KIF18B: variants seen among roughly 807,000 people sequenced by gnomAD.
The protein encoded by KIF18B is kinesin-like protein KIF18B.
A neutral mutation model predicts 80.9 loss-of-function variants in KIF18B; 49 were observed. That is an observed-to-expected ratio of 0.61 (90% confidence interval 0.48 to 0.77). The LOEUF is 0.77. KIF18B is among the 30% of genes least tolerant of loss of function. The probability of loss-of-function intolerance (pLI) is 0.00; values close to 1 mark genes in which losing one functional copy is unlikely to be tolerated. For synonymous variants in KIF18B, 439 were observed against 463.9 expected, an observed-to-expected ratio of 0.95 and a Z score of 0.69; for missense variants, 994 against 1,127.7, an observed-to-expected ratio of 0.88 and a Z score of 1.70.
At chr17:44,930,850 T>C (rs2052130853) in intron 11 of KIF18B, among the ~76,000 whole-genome samples, 2 of 152,140 alleles carry the variant, frequency 1.3e-5, no homozygotes, top group Non-Finnish European at 2.9e-5. Flanking sequence ...CAGGACCTGA[T>C]AAGCAGGAGA....
rs1294187446 is a variant in KIF18B, at chr17:44,929,044, A to G, written c.1518-20T>C. On this transcript the variant is annotated intron_variant, in intron 11 of 15. Coordinates refer to ENST00000593135, the MANE Select transcript of KIF18B (RefSeq NM_001265577.2). ...GCCAACCTGGAACAGAAGAAAGGGG[A>G]TTCCCAGCCCTGCTCAGACTCAGCC... is the stretch of plus-strand genomic sequence containing the variant. 2.1e-5 allele frequency: 34 copies of G among 1,610,876 alleles called. No individual in the cohort carries two copies. In the Admixed American group the frequency reaches 5.7e-4, roughly 27 times the overall value.
rs2052181382 is a variant in KIF18B at position 44,932,641 on chromosome 17, G to C, written c.1238+32C>G. ...GGCTCCCCATCCTGGCTGAGCTGCA[G>C]GGTGGGGGCGGGAATGGGCAGTGGA... On this transcript the variant is annotated intron_variant, in intron 9 of 15. Coordinates refer to ENST00000593135, the MANE Select transcript of KIF18B (RefSeq NM_001265577.2). 3 of 1,145,076 alleles carry C rather than the reference G, an allele frequency of 2.6e-6. No individual in the cohort carries two copies. In the South Asian group the frequency reaches 3.7e-5, roughly 14 times the overall value. 70.9% of individuals were successfully genotyped at this position (1,145,076 alleles called of 1,614,324 possible). A position where few individuals can be genotyped will look rare whatever the true frequency, so the allele number is the denominator to read the frequency against.
chr17:44,934,775 G>T lies in KIF18B; in HGVS notation c.576+56C>A. On this transcript the variant is annotated intron_variant, in intron 4 of 15. Transcript: ENST00000593135. This position sits in a 1 kb window ranked among gnomAD's most constrained non-coding sequence, Gnocchi z 5.4. ...CCAGGGCATCCCCAAACAGTTTTGT[G>T]AGGGAACCCCAAGGACCCATGGGGC... The T allele has an allele frequency of 7.2e-7, 1 of 1,388,060 alleles. No homozygotes were observed. Among genetic ancestry groups the T allele is most frequent in the Non-Finnish European group, 9.9e-7 (1 of 1,012,560 alleles). The allele number at this position is 1,388,060 out of a possible 1,614,324, so 86.0% of individuals were successfully genotyped here. A position where few individuals can be genotyped will look rare whatever the true frequency, so the allele number is the denominator to read the frequency against.
Position 44,932,226 on chromosome 17 carries a change from AGGG to A in KIF18B, c.1239-23_1239-21del, listed in dbSNP as rs775981653. On this transcript the variant is annotated intron_variant, in intron 9 of 15. Transcript: ENST00000593135. ...GGCTGGCTGGGAGGGTGGGGTGGCA[AGGG>A]GGAGCTGGGAAGGCTAAGCGGGAAA... 1.0e-5 allele frequency: 16 copies of A among 1,568,170 alleles called. No individual in the cohort carries two copies. Among genetic ancestry groups the A allele is most frequent in the Middle Eastern group, 1.9e-4 (1 of 5,184 alleles).
intron 11 of KIF18B, among the ~76,000 whole-genome samples, chr17:44,929,417 G>A (rs2052101916): frequency 6.6e-6 from 1 of 152,164 alleles, no homozygotes; most frequent in Non-Finnish European, 1.5e-5. Context: ...CCTAAGGGCA[G>A]TGCAAAGGGG....
intron 14 of KIF18B, 36 bp from the exon 15 acceptor site, chr17:44,926,535 G>T (rs1426326568): frequency 6.5e-7 from 1 of 1,540,708 alleles, no homozygotes; most frequent in South Asian, 1.2e-5. Flanking sequence ...GAAGGTTACG[G>T]CCCTGTCTCT....
intron 15 of KIF18B, 96 bp downstream of exon 15, chr17:44,926,318 C>G (rs1037409129): frequency 6.4e-7 from 1 of 1,556,904 alleles, no homozygotes; most frequent in South Asian, 1.2e-5. Flanking sequence ...ACCCTAGGCC[C>G]TCCTTTCTTC....
rs1236128135 is a variant in KIF18B, at chr17:44,925,790, A to C, written c.*290T>G. 2 of 439,174 alleles carry C rather than the reference A, an allele frequency of 4.6e-6. No individual in the cohort carries two copies. The highest frequency in any genetic ancestry group is 8.2e-6 in the Non-Finnish European group (2 of 244,094). The allele number at this position is 439,174 out of a possible 1,614,324, so 27.2% of individuals were successfully genotyped here. A position where few individuals can be genotyped will look rare whatever the true frequency, so the allele number is the denominator to read the frequency against. ...AGTAAGACTCCATCTCAAAACAAAA[A>C]AAACAAAAAACAAAAACCACCAAAA... is the stretch of plus-strand genomic sequence containing the variant. On this transcript the variant is annotated 3_prime_UTR_variant, in exon 16 of 16. Coordinates refer to ENST00000593135, the MANE Select transcript of KIF18B (RefSeq NM_001265577.2).
At position 44,927,728 on chromosome 17, in the gene KIF18B, T is replaced by C. The variant is rs2052059135; in HGVS notation, c.2276+298A>G. ...AGTGTTGGGTTCCCCTAGTACATTC[T>C]TGTTCCCTGCTGACTCTTTCCAAGT... On this transcript the variant is annotated intron_variant, in intron 13 of 15. Coordinates refer to ENST00000593135, the MANE Select transcript of KIF18B (RefSeq NM_001265577.2). The surrounding 1 kb of genome is among the most constrained non-coding windows in gnomAD (Gnocchi z 4.1). Among the ~76,000 whole-genome samples the C allele has an allele frequency of 6.6e-6, 1 of 152,236 alleles. No homozygotes were observed. Among genetic ancestry groups the C allele is most frequent in the East Asian group, 1.9e-4 (1 of 5,206 alleles).
At chr17:44,944,151 T>C (rs1409965429) in intron 1 of KIF18B, among the ~76,000 whole-genome samples, 1 of 152,274 alleles carries the variant, frequency 6.6e-6, no homozygotes, top group African/African-American at 2.4e-5. Flanking sequence ...GGTCATAATC[T>C]AGTTTTTAAA....
chr17:44,944,683 A>G (rs1005350761), intron 1 of KIF18B, among the ~76,000 whole-genome samples: 4 of 152,168 alleles, frequency 2.6e-5, no homozygotes, highest in African/African-American at 9.7e-5. Flanking sequence ...GGAATTTGGT[A>G]TAGGTTTTTC....
At chr17:44,937,790 AATG>A (rs1358029735) in intron 1 of KIF18B, among the ~76,000 whole-genome samples, 7 of 152,182 alleles carry the variant, frequency 4.6e-5, no homozygotes, top group African/African-American at 1.4e-4. Context: ...GTTGAATAAT[AATG>A]ATGATAATGT....
At chr17:44,932,590 C>G in intron 9 of KIF18B, 83 bp downstream of exon 9, 1 of 814,208 alleles carries the variant, frequency 1.2e-6, no homozygotes, top group Non-Finnish European at 2.1e-6. Context: ...GAGTCCTAGT[C>G]CTCCAGAAAC....
At position 44,934,266 on chromosome 17, in the gene KIF18B, G is replaced by C. The variant is rs752683262; in HGVS notation, c.852C>G (p.Leu284=). The change falls in exon 6 of 16, where the codon CTC becomes CTG. Residue 284 remains leucine, a synonymous_variant. Transcript: ENST00000593135. The surrounding 1 kb of genome is among the most constrained non-coding windows in gnomAD (Gnocchi z 5.4). Reference sequence around the variant, plus strand: ...CGGCCAAGGCATTGAGGACGTTGATGAGCGCCAGCAGAGAGCGGTTGATGT... The same window carrying C: ...CGGCCAAGGCATTGAGGACGTTGATCAGCGCCAGCAGAGAGCGGTTGATGT... ...GANINRSLLA[L]INVLNALADA... 4.3e-5 allele frequency: 70 copies of C among 1,612,830 alleles called. 1 individual carries two copies. The highest frequency in any genetic ancestry group is 3.3e-4 in the Middle Eastern group (2 of 6,082).
intron 1 of KIF18B, among the ~76,000 whole-genome samples, chr17:44,937,715 TC>T: frequency 6.6e-6 from 1 of 152,312 alleles, no homozygotes; most frequent in Non-Finnish European, 1.5e-5. Context: ...TACCTTTTCT[TC>T]TCCATATTCA....
chr17:44,933,901 G>A, intron 7 of KIF18B, 22 bp downstream of exon 7: 2 of 1,540,332 alleles, frequency 1.3e-6, no homozygotes, highest in East Asian at 4.9e-5. Flanking sequence ...CCACGCCCAA[G>A]CCGGCCCTGG....
chr17:44,933,951 G>T lies in KIF18B; in HGVS notation c.1034C>A (p.Ala345Asp). 1 of 1,581,956 alleles carries T rather than the reference G, an allele frequency of 6.3e-7. No homozygotes were observed. ...GAGCCTGATCTCCTTGGCCCGGTCG[G>T]CATATTTGAGGGTGTTGTACGTGTC... is the stretch of plus-strand genomic sequence containing the variant. ...YEDTYNTLKY[A>D]DRAKEIRLSL... is the part of the protein sequence containing the mutation. The change falls in exon 7 of 16, where the codon GCC (alanine) becomes GAC (aspartate). Residue 345 changes from alanine to aspartate, a missense_variant. By Grantham distance (126) the Ala-to-Asp change is moderately radical (BLOSUM62 -2). Transcript: ENST00000593135.
At position 44,931,628 on chromosome 17, in the gene KIF18B, C is replaced by A; in HGVS notation, c.1491G>T (p.Arg497=). The A allele has an allele frequency of 6.2e-7, 1 of 1,614,012 alleles. No homozygotes were observed. The highest frequency in any genetic ancestry group is 8.5e-7 in the Non-Finnish European group (1 of 1,179,898). ...GCTTAGAACGGTCCCCATCCAGTTC[C>A]CGTGCTGAGAAGTGGCCCACGACTG... is the stretch of plus-strand genomic sequence containing the variant. The part of the protein sequence containing the change: ...PKPVVGHFSA[R]ELDGDRSKQL... Residue 497 remains arginine (R), a synonymous_variant, in exon 11 of 16, where the codon CGG becomes CGT. Transcript: ENST00000593135.
chr17:44,927,023 C>T lies in KIF18B; in HGVS notation c.2332G>A (p.Gly778Arg). Reference sequence around the variant, plus strand: ...CGCTTCTTCTTGCAGGCAGAGGTCCCAGGGAGGGAAGATGTTGGCTTGGGG... The same window carrying T: ...CGCTTCTTCTTGCAGGCAGAGGTCCTAGGGAGGGAAGATGTTGGCTTGGGG... ...KGPKPTSSLP[G>R]TSACKKKRVA... The change falls in exon 14 of 16, where the codon GGG becomes AGG. Residue 778 changes from glycine (G) to arginine (R), a missense_variant. Physicochemically the swap from Gly to Arg is moderately radical, Grantham distance 125. Coordinates refer to ENST00000593135, the MANE Select transcript of KIF18B (RefSeq NM_001265577.2). This position sits in a 1 kb window ranked among gnomAD's most constrained non-coding sequence, Gnocchi z 4.1. The T allele has an allele frequency of 1.9e-6, 3 of 1,612,730 alleles. No homozygotes were observed. Among genetic ancestry groups the T allele is most frequent in the Non-Finnish European group, 8.5e-7 (1 of 1,179,466 alleles).
Sources: allele counts gnomAD v4.1 joint callset (sites outside exome capture counted in the v4.1 genomes callset), GRCh38; gene constraint gnomAD v4.1.1; non-coding constraint Gnocchi (gnomAD v3.1); transcripts MANE v1.5; gene names NCBI Gene and HGNC (gene_info 2026-07-23, HGNC 2026-07-21).